The following GFOD2 variants were observed in gnomAD, a reference collection of about 807,000 sequenced individuals.
GFOD2 encodes the protein glucose-fructose oxidoreductase domain-containing protein 2.
A neutral mutation model predicts 24.6 loss-of-function variants in GFOD2; 9 were observed. That is an observed-to-expected ratio of 0.37 (90% CI 0.22 to 0.64). GFOD2 has a LOEUF of 0.64. Among genes scored for constraint, GFOD2 ranks in the 30% least tolerant of loss-of-function variants. The probability of loss-of-function intolerance (pLI) is 0.65; values close to 1 mark genes in which losing one functional copy is unlikely to be tolerated. For synonymous variants in GFOD2, 211 were observed against 224.8 expected (o/e 0.94, Z 0.55); for missense variants, 476 against 532.5 (o/e 0.89, Z 1.04).
chr16:67,705,844 G>GT (rs1161583989), intron 1 of GFOD2, among the ~76,000 whole-genome samples: 1 of 151,512 alleles, frequency 6.6e-6, no homozygotes, highest in Admixed American at 6.6e-5. Flanking sequence ...GGAGGCTGAG[G>GT]CACGAGAATC....
At chr16:67,677,235 T>TA (rs1341728410) in intron 2 of GFOD2, 1 of 152,118 alleles carries the variant, frequency 6.6e-6, no homozygotes, top group Non-Finnish European at 1.5e-5. Flanking sequence ...AATATTGAGA[T>TA]AGAGTCTCAC....
chr16:67,712,986 G>A (rs1167155239), intron 1 of GFOD2, among the ~76,000 whole-genome samples: 1 of 132,480 alleles, frequency 7.5e-6, no homozygotes, highest in South Asian at 2.3e-4. Flanking sequence ...AAGTTCAAGT[G>A]ATTTTCCTGC....
At chr16:67,691,509 C>CCCT (rs1555545729) in intron 1 of GFOD2, among the ~76,000 whole-genome samples, 2 of 126,240 alleles carry the variant, frequency 1.6e-5, no homozygotes, top group Non-Finnish European at 1.6e-5. Context: ...TGTGCCTAGA[C>CCCT]CCCCCCCCAA....
At position 67,685,520 on chromosome 16, in the gene GFOD2, C is replaced by T. The variant is rs2053259520; in HGVS notation, c.196G>A (p.Val66Met). 6.2e-7 allele frequency: 1 copy of T among 1,614,216 alleles called. No individual in the cohort carries two copies. The change falls in exon 2 of 3, where the codon GTG becomes ATG. Residue 66 changes from valine to methionine, a missense_variant. Val to Met is a conservative substitution (Grantham distance 21). Transcript: ENST00000268797. ...RTDDILLHQD[V>M]DLVCISIPPP... ...GGGATGCTGATGCACACCAGATCCACATCTTGATGCAGCAAGATGTCATCA... is the reference window on the plus strand; with the variant it reads ...GGGATGCTGATGCACACCAGATCCATATCTTGATGCAGCAAGATGTCATCA...
At chr16:67,679,631 G>T (rs1280043640) in intron 2 of GFOD2, among the ~76,000 whole-genome samples, 2 of 151,814 alleles carry the variant, frequency 1.3e-5, no homozygotes, top group African/African-American at 4.8e-5. Context: ...GCTCAGGCCT[G>T]TAATCCCAGC....
chr16:67,716,893 TTTC>T (rs775069584), intron 1 of GFOD2, among the ~76,000 whole-genome samples: 5 of 152,216 alleles, frequency 3.3e-5, no homozygotes, highest in South Asian at 2.1e-4. Flanking sequence ...AAGACAAAGT[TTTC>T]TTCTTCTTTT....
chr16:67,694,392 A>G (rs1410595285), intron 1 of GFOD2, among the ~76,000 whole-genome samples: 1 of 151,986 alleles, frequency 6.6e-6, no homozygotes, highest in Non-Finnish European at 1.5e-5. Flanking sequence ...CGATTCTCTC[A>G]GCTCAGCCTC....
chr16:67,690,820 C>G (rs1254563015), intron 1 of GFOD2, among the ~76,000 whole-genome samples: 2 of 152,072 alleles, frequency 1.3e-5, no homozygotes, highest in Admixed American at 6.6e-5. Context: ...ATCATTTTAC[C>G]AATAATTTTA....
chr16:67,689,016 G>A (rs569256466), intron 1 of GFOD2, among the ~76,000 whole-genome samples: 6 of 150,524 alleles, frequency 4.0e-5, no homozygotes, highest in African/African-American at 1.2e-4. Flanking sequence ...TGGGATTACA[G>A]GCGTGAGCCA....
At chr16:67,708,967 G>A (rs1025909288) in intron 1 of GFOD2, among the ~76,000 whole-genome samples, 3 of 152,078 alleles carry the variant, frequency 2.0e-5, no homozygotes, top group Admixed American at 6.6e-5. Context: ...TGAGGGTCAC[G>A]GCCCTAGTTA....
At chr16:67,712,572 G>GTC (rs2053482988) in intron 1 of GFOD2, among the ~76,000 whole-genome samples, 4 of 82,776 alleles carry the variant, frequency 4.8e-5, no homozygotes, top group Admixed American at 4.8e-4. Flanking sequence ...TGCAGATGGA[G>GTC]TCTCGTTCAC....
intron 1 of GFOD2, among the ~76,000 whole-genome samples, chr16:67,695,201 T>C (rs2053349689): frequency 6.6e-6 from 1 of 152,054 alleles, no homozygotes; most frequent in African/African-American, 2.4e-5. Context: ...TTTACCATGT[T>C]GGCCAGGCTG....
At chr16:67,693,819 C>T (rs1028704909) in intron 1 of GFOD2, among the ~76,000 whole-genome samples, 7 of 151,942 alleles carry the variant, frequency 4.6e-5, no homozygotes, top group African/African-American at 1.7e-4. Flanking sequence ...CTTTGGGAGG[C>T]TGAGGTGGGA....
At chr16:67,685,147 G>A (rs1372079641) in intron 2 of GFOD2, 4 of 1,370,970 alleles carry the variant, frequency 2.9e-6, no homozygotes, top group African/African-American at 1.5e-5. Context: ...GCCACCCAGG[G>A]CTCTGACCTC....
rs774540073 is a variant in GFOD2 at position 67,691,508 on chromosome 16, AC to A, written c.-87-5707del. Among the ~76,000 whole-genome samples, 83 of 114,404 alleles carry A rather than the reference AC, an allele frequency of 7.3e-4. 2 individuals are homozygous for A. Among genetic ancestry groups the A allele is most frequent in the African/African-American group, 1.4e-3 (37 of 25,704 alleles). 75.1% of individuals were successfully genotyped at this position (114,404 alleles called of 152,430 possible). ...CAGAAGCAAGTCACACTGTGCCTAGACCCCCCCCCAAAAAAAAAAAAATTAA... is the reference window on the plus strand; with the variant it reads ...CAGAAGCAAGTCACACTGTGCCTAGACCCCCCCCAAAAAAAAAAAAATTAA... On this transcript the variant is annotated intron_variant, in intron 1 of 2. Transcript: ENST00000268797.
intron 1 of GFOD2, among the ~76,000 whole-genome samples, chr16:67,713,646 A>G (rs1240659185): frequency 2.6e-5 from 4 of 152,204 alleles, no homozygotes; most frequent in Admixed American, 2.6e-4. Flanking sequence ...AGAATATTAC[A>G]AAGGATAGAG....
rs12449157 is a variant in GFOD2 at position 67,674,994 on chromosome 16, A to G, written c.*161T>C. On this transcript the variant is annotated 3_prime_UTR_variant, in exon 3 of 3. Transcript: ENST00000268797. ...GCCACCCTGCAAGTCTGAGGAGCAG[A>G]TGAGCCACTGGAGGGGGCGAAGTCC... 0.2 allele frequency: 149,885 copies of G among 757,032 alleles called. 21,830 individuals carry two copies. The highest frequency in any genetic ancestry group is 0.63 in the African/African-American group (36,180 of 57,160). 46.9% of individuals were successfully genotyped at this position (757,032 alleles called of 1,614,324 possible). A position where few individuals can be genotyped will look rare whatever the true frequency, so the allele number is the denominator to read the frequency against.
intron 2 of GFOD2, among the ~76,000 whole-genome samples, chr16:67,679,451 G>C (rs1470761032): frequency 6.6e-6 from 1 of 151,940 alleles, no homozygotes; most frequent in African/African-American, 2.4e-5. Context: ...GGCCAGGCTG[G>C]TCTTGAACTC....
intron 1 of GFOD2, among the ~76,000 whole-genome samples, chr16:67,693,106 A>G (rs956840823): frequency 6.6e-6 from 1 of 152,132 alleles, no homozygotes; most frequent in African/African-American, 2.4e-5. Context: ...AAAAGCTTGC[A>G]TTTCAAACAC....
Sources: allele counts gnomAD v4.1 joint callset (sites outside exome capture counted in the v4.1 genomes callset), GRCh38; gene constraint gnomAD v4.1.1; transcripts MANE v1.5; gene names NCBI Gene and HGNC (gene_info 2026-07-23, HGNC 2026-07-21).